PON3: variants seen among roughly 807,000 people sequenced by gnomAD.
PON3 encodes paraoxonase 3.
A neutral mutation model predicts 36.3 loss-of-function variants in PON3; 37 were observed. The observed-to-expected ratio is 1.02, with a 90% confidence interval of 0.78 to 1.34. PON3 has a LOEUF of 1.34. Among genes scored for constraint, PON3 ranks in the 40% most tolerant of loss-of-function variants. PON3 has a pLI of 0.00. For synonymous variants in PON3, 155 were observed against 154.8 expected, an observed-to-expected ratio of 1.00 and a Z score of -0.01; for missense variants, 415 against 426.5, an observed-to-expected ratio of 0.97 and a Z score of 0.24.
At position 95,372,339 on chromosome 7, in the gene PON3, C is replaced by T. The variant is rs774165677; in HGVS notation, c.202-1G>A. 1.2e-6 allele frequency: 2 copies of T among 1,613,354 alleles called. No individual in the cohort carries two copies. The highest frequency in any genetic ancestry group is 2.2e-5 in the South Asian group (2 of 91,066). Reference sequence around the variant, plus strand: ...TTGGCATGCCTGGATATTTTAATCCCTTTTAAAAATAAAGAACAAGTGTGC... The same window carrying T: ...TTGGCATGCCTGGATATTTTAATCCTTTTTAAAAATAAAGAACAAGTGTGC... On this transcript the variant is annotated splice_acceptor_variant, in intron 3 of 8. Coordinates refer to ENST00000265627, the MANE Select transcript of PON3 (RefSeq NM_000940.3). LOFTEE classifies it high-confidence loss of function.
At chr7:95,380,846 A>G (rs974224144) in intron 3 of PON3, among the ~76,000 whole-genome samples, 7 of 152,238 alleles carry the variant, frequency 4.6e-5, no homozygotes, top group African/African-American at 1.4e-4. Context: ...CAGGAAATAC[A>G]GAGAATGCCA....
At position 95,362,453 on chromosome 7, in the gene PON3, A is replaced by G. The variant is rs149152162; in HGVS notation, c.815T>C (p.Val272Ala). The change falls in exon 8 of 9, where the codon GTC becomes GCC. Residue 272 changes from valine to alanine, a missense_variant. By Grantham distance (64) the Val-to-Ala change is moderately conservative. Coordinates refer to ENST00000265627, the MANE Select transcript of PON3 (RefSeq NM_000940.3). ...CAAAATGTCTCCTGTGGCAGGATCG[A>G]CAGTCAGGTTATCCACTAAGGTGCC... is the stretch of plus-strand genomic sequence containing the variant. The part of the protein sequence containing the change: ...QLGTLVDNLT[V>A]DPATGDILAG... 1.3e-4 allele frequency: 208 copies of G among 1,613,756 alleles called. 1 individual carries two copies. In the African/African-American group the frequency reaches 2.6e-3, roughly 20 times the overall value.
chr7:95,377,499 T>A (rs111627282), intron 3 of PON3: 9,469 of 367,780 alleles, frequency 0.026, 864 homozygotes, highest in African/African-American at 0.19. Context: ...GTAGCCTGAC[T>A]GGGAGACACC....
chr7:95,389,078 TA>T (rs1205481936), intron 3 of PON3, among the ~76,000 whole-genome samples: 4 of 152,060 alleles, frequency 2.6e-5, no homozygotes, highest in African/African-American at 4.8e-5. Context: ...CCCTAGAACT[TA>T]AAAGTATAAT....
intron 3 of PON3, among the ~76,000 whole-genome samples, chr7:95,379,029 T>C (rs557048700): frequency 7.3e-4 from 109 of 149,446 alleles, no homozygotes; most frequent in Non-Finnish European, 1.4e-3. Context: ...AAGACACACA[T>C]AGGCTCAAAA....
At chr7:95,381,480 T>G (rs1418813516) in intron 3 of PON3, among the ~76,000 whole-genome samples, 1 of 152,040 alleles carries the variant, frequency 6.6e-6, no homozygotes, top group Non-Finnish European at 1.5e-5. Context: ...GAGACACACA[T>G]AGGCTCAAAA....
At chr7:95,376,369 T>C (rs533634831) in intron 3 of PON3, among the ~76,000 whole-genome samples, 21 of 152,306 alleles carry the variant, frequency 1.4e-4, no homozygotes, top group African/African-American at 4.8e-4. Context: ...TGCACAGAAT[T>C]ATTCTCCAAA....
At chr7:95,389,002 T>C (rs1809260474) in intron 3 of PON3, among the ~76,000 whole-genome samples, 1 of 151,982 alleles carries the variant, frequency 6.6e-6, no homozygotes, top group East Asian at 1.9e-4. Context: ...GACAAGTTAA[T>C]AGGTATAGGA....
At chr7:95,381,906 T>C (rs1468278870) in intron 3 of PON3, among the ~76,000 whole-genome samples, 1 of 152,206 alleles carries the variant, frequency 6.6e-6, no homozygotes, top group African/African-American at 2.4e-5. Flanking sequence ...TACATTCTTC[T>C]CAGCACCACA....
At chr7:95,363,086 A>G (rs1158166782) in intron 6 of PON3, among the ~76,000 whole-genome samples, 2 of 152,188 alleles carry the variant, frequency 1.3e-5, no homozygotes, top group Non-Finnish European at 2.9e-5. Flanking sequence ...TATAGGCTCA[A>G]TCTTATTACT....
At chr7:95,382,961 C>A (rs1160033011) in intron 3 of PON3, among the ~76,000 whole-genome samples, 1 of 152,174 alleles carries the variant, frequency 6.6e-6, no homozygotes, top group African/African-American at 2.4e-5. Flanking sequence ...CAATAAAATA[C>A]TAGCAAACCA....
At chr7:95,392,548 T>G (rs923766537) in intron 2 of PON3, among the ~76,000 whole-genome samples, 1 of 152,204 alleles carries the variant, frequency 6.6e-6, no homozygotes, top group African/African-American at 2.4e-5. Flanking sequence ...AAATGTCACA[T>G]TTCCTTATTT....
intron 2 of PON3, among the ~76,000 whole-genome samples, chr7:95,393,621 A>G (rs1809366717): frequency 6.6e-6 from 1 of 152,194 alleles, no homozygotes; most frequent in African/African-American, 2.4e-5. Flanking sequence ...ATGAGGGACA[A>G]GCGGGGAACA....
At chr7:95,392,154 G>A (rs1489637069) in intron 2 of PON3, among the ~76,000 whole-genome samples, 1 of 152,200 alleles carries the variant, frequency 6.6e-6, no homozygotes, top group African/African-American at 2.4e-5. Context: ...TGATAAAGCA[G>A]CTTTTTCAAA....
intron 5 of PON3, chr7:95,365,213 C>A (rs576083285): frequency 6.6e-6 from 1 of 152,320 alleles, no homozygotes; most frequent in African/African-American, 2.4e-5. Context: ...ATCCTCATAG[C>A]CTCACCTACC....
At chr7:95,362,671 G>GTTTT in intron 7 of PON3, 89 bp downstream of exon 7, 1 of 1,391,800 alleles carries the variant, frequency 7.2e-7, no homozygotes, top group Non-Finnish European at 1.0e-6. Context: ...AAATAGCCAT[G>GTTTT]TTTTCCTCAT....
At chr7:95,371,456 T>C (rs1004669286) in intron 4 of PON3, among the ~76,000 whole-genome samples, 17 of 152,234 alleles carry the variant, frequency 1.1e-4, no homozygotes, top group African/African-American at 3.9e-4. Flanking sequence ...TTGCCAACAT[T>C]TGTTATTGTC....
rs572522054 is a variant in PON3 at position 95,362,135 on chromosome 7, A to T, written c.906+227T>A. ...TGGGTCAATATGAATAATCGAGCTT[A>T]TGTTTTTCCATTATTCCCAACAGCA... is the stretch of plus-strand genomic sequence containing the variant. On this transcript the variant is annotated intron_variant, in intron 8 of 8. Transcript: ENST00000265627. 1.3e-3 allele frequency among the ~76,000 whole-genome samples: 201 copies of T among 152,308 alleles called. 1 individual carries two copies. Among genetic ancestry groups the T allele is most frequent in the Middle Eastern group, 6.8e-3 (2 of 294 alleles).
intron 2 of PON3, among the ~76,000 whole-genome samples, chr7:95,391,518 A>T (rs1472082678): frequency 6.6e-6 from 1 of 152,252 alleles, no homozygotes; most frequent in Non-Finnish European, 1.5e-5. Flanking sequence ...AGAGAAAGAT[A>T]TATTTCACCT....
Sources: gnomAD v4.1 joint callset for allele counts (sites outside exome capture counted in the v4.1 genomes callset) on GRCh38, gnomAD v4.1.1 for gene constraint, MANE v1.5 for transcripts, NCBI Gene and HGNC (gene_info 2026-07-23, HGNC 2026-07-21) for gene names.